FSTL5: variants seen among roughly 807,000 people sequenced by gnomAD.
FSTL5 encodes follistatin-related protein 5.
Under a neutral mutation model 89.1 loss-of-function variants are expected in FSTL5, and 62 were observed. That is an observed-to-expected ratio of 0.70 (90% CI 0.57 to 0.86). FSTL5 has a LOEUF of 0.86. FSTL5 is among the 40% of genes least tolerant of loss of function. FSTL5 has a pLI of 0.00. For synonymous variants in FSTL5, 383 were observed against 346.2 expected, an observed-to-expected ratio of 1.11 and a Z score of -1.18; for missense variants, 1,057 against 1,001.6, an observed-to-expected ratio of 1.06 and a Z score of -0.75.
chr4:162,053,922 A>G (rs1202218119), intron 2 of FSTL5, among the ~76,000 whole-genome samples: 1 of 151,724 alleles, frequency 6.6e-6, no homozygotes, highest in Non-Finnish European at 1.5e-5. Flanking sequence ...TTTCCAGAGG[A>G]AAAAAACAAG....
intron 1 of FSTL5, among the ~76,000 whole-genome samples, chr4:162,129,020 G>T (rs1732192807): frequency 6.6e-6 from 1 of 151,064 alleles, no homozygotes; most frequent in South Asian, 2.1e-4. Flanking sequence ...CGGCTCCCGG[G>T]TTCAAGCGAT....
At chr4:161,534,344 A>C (rs1014829499) in intron 10 of FSTL5, among the ~76,000 whole-genome samples, 6 of 152,034 alleles carry the variant, frequency 3.9e-5, no homozygotes, top group African/African-American at 1.2e-4. Flanking sequence ...ATGATGCTGC[A>C]AAAAGCTTCA....
At chr4:162,010,239 T>A (rs752263588) in intron 3 of FSTL5, among the ~76,000 whole-genome samples, 1 of 152,064 alleles carries the variant, frequency 6.6e-6, no homozygotes, top group Non-Finnish European at 1.5e-5. Context: ...CCTATGAAAT[T>A]AGAAATTTCT....
At chr4:161,413,434 C>A (rs1731666391) in intron 15 of FSTL5, among the ~76,000 whole-genome samples, 1 of 151,982 alleles carries the variant, frequency 6.6e-6, no homozygotes, top group Non-Finnish European at 1.5e-5. Flanking sequence ...CAGATGCTGG[C>A]AAGGTTGTGG....
chr4:161,439,411 C>T lies in FSTL5; in HGVS notation c.1841+15593G>A, dbSNP rs964192144. ...TACATGTAGCACTCCAACCAGACTA[C>T]GGTTTGTTTCTCAGCTCCGCAATTC... On this transcript the variant is annotated intron_variant, in intron 15 of 15. Transcript: ENST00000306100. 1.1e-4 allele frequency among the ~76,000 whole-genome samples: 17 copies of T among 152,304 alleles called. No homozygotes were observed. In the South Asian group the frequency reaches 2.1e-3, roughly 19 times the overall value.
At chr4:161,771,040 C>T (rs1270437683) in intron 5 of FSTL5, among the ~76,000 whole-genome samples, 1 of 151,846 alleles carries the variant, frequency 6.6e-6, no homozygotes, top group Non-Finnish European at 1.5e-5. Context: ...AAAAATTATT[C>T]CTCTTCTATG....
At chr4:161,774,970 T>G (rs1248863231) in intron 5 of FSTL5, among the ~76,000 whole-genome samples, 1 of 152,184 alleles carries the variant, frequency 6.6e-6, no homozygotes, top group African/African-American at 2.4e-5. Context: ...GAATTTTAAT[T>G]AGTTTGAATG....
At chr4:162,060,009 A>G (rs1738670951) in intron 2 of FSTL5, among the ~76,000 whole-genome samples, 1 of 152,176 alleles carries the variant, frequency 6.6e-6, no homozygotes, top group African/African-American at 2.4e-5. Flanking sequence ...TCTGTCTAAC[A>G]TATCTTAAAA....
chr4:161,492,850 A>G (rs182199780), intron 12 of FSTL5, among the ~76,000 whole-genome samples: 1 of 152,184 alleles, frequency 6.6e-6, no homozygotes, highest in Admixed American at 6.5e-5. Context: ...ATAATTATAT[A>G]GTACATGGAG....
intron 2 of FSTL5, among the ~76,000 whole-genome samples, chr4:162,088,791 T>A (rs1730423984): frequency 6.6e-6 from 1 of 152,154 alleles, no homozygotes; most frequent in Non-Finnish European, 1.5e-5. Context: ...GAGTAACATT[T>A]ATAGTTCTCA....
chr4:161,871,754 G>C (rs1732268963), intron 4 of FSTL5, among the ~76,000 whole-genome samples: 1 of 152,078 alleles, frequency 6.6e-6, no homozygotes, highest in African/African-American at 2.4e-5. Flanking sequence ...GTGTATTGAA[G>C]CTATGAGTAA....
intron 2 of FSTL5, among the ~76,000 whole-genome samples, chr4:162,081,827 C>G (rs979704417): frequency 6.6e-6 from 1 of 151,364 alleles, no homozygotes; most frequent in Admixed American, 6.6e-5. Flanking sequence ...CTCACACACA[C>G]ACACCTTCTT....
chr4:161,570,898 G>A (rs1732984405), intron 8 of FSTL5, among the ~76,000 whole-genome samples: 2 of 151,962 alleles, frequency 1.3e-5, no homozygotes, highest in Non-Finnish European at 2.9e-5. Flanking sequence ...GACGGATCAC[G>A]AGGTCAAGAG....
At chr4:161,617,405 T>G (rs1734939149) in intron 7 of FSTL5, among the ~76,000 whole-genome samples, 1 of 151,814 alleles carries the variant, frequency 6.6e-6, no homozygotes, top group Non-Finnish European at 1.5e-5. Flanking sequence ...CAATATAAAG[T>G]GACAAAACCT....
At chr4:161,463,456 A>G (rs538243474) in intron 13 of FSTL5, among the ~76,000 whole-genome samples, 1 of 152,332 alleles carries the variant, frequency 6.6e-6, no homozygotes, top group African/African-American at 2.4e-5. Flanking sequence ...ATTTTCATCA[A>G]CAGAATCATA....
chr4:161,980,983 C>T (rs1735813317), intron 3 of FSTL5, among the ~76,000 whole-genome samples: 1 of 152,020 alleles, frequency 6.6e-6, no homozygotes, highest in South Asian at 2.1e-4. Context: ...TGGTCTCAAA[C>T]TCCTGACCTC....
chr4:161,940,895 C>T (rs1257186912), intron 3 of FSTL5, among the ~76,000 whole-genome samples: 2 of 151,614 alleles, frequency 1.3e-5, no homozygotes, highest in Non-Finnish European at 3.0e-5. Context: ...TATTATTGGA[C>T]TGAGAGTAGT....
intron 11 of FSTL5, 67 bp from the exon 12 acceptor site, chr4:161,500,201 A>G: frequency 8.9e-6 from 9 of 1,015,118 alleles, no homozygotes; most frequent in Non-Finnish European, 1.3e-5. Flanking sequence ...ACCAAAATTC[A>G]GTGCCTCTCA....
chr4:161,552,831 A>G (rs1732262079), intron 8 of FSTL5, among the ~76,000 whole-genome samples: 1 of 151,728 alleles, frequency 6.6e-6, no homozygotes, highest in Non-Finnish European at 1.5e-5. Flanking sequence ...TACTTTTCCC[A>G]GGATACATAT....
Sources: gnomAD v4.1 joint callset for allele counts (sites outside exome capture counted in the v4.1 genomes callset) on GRCh38, gnomAD v4.1.1 for gene constraint, MANE v1.5 for transcripts, NCBI Gene and HGNC (gene_info 2026-07-23, HGNC 2026-07-21) for gene names.